Variants in CR1L observed in about 807,000 individuals in gnomAD.
The protein encoded by CR1L is complement component receptor 1-like protein.
Under a neutral mutation model 62.3 loss-of-function variants are expected in CR1L, and 59 were observed. That is an observed-to-expected ratio of 0.95 (90% CI 0.77 to 1.18). The LOEUF (loss-of-function observed/expected upper bound fraction) is 1.18, where lower values mean the gene tolerates loss of function less well. Among genes scored for constraint, CR1L ranks in the 50% most tolerant of loss-of-function variants. The pLI, the probability that CR1L is intolerant of heterozygous loss-of-function variation, is 0.00. For missense variants in CR1L, 700 were observed against 702.8 expected, an observed-to-expected ratio of 1.00 and a Z score of 0.04; for synonymous variants, 279 against 248.7, an observed-to-expected ratio of 1.12 and a Z score of -1.15.
chr1:207,717,350 T>C, intron 10 of CR1L, 114 bp from the exon 11 acceptor site: 13 of 1,198,954 alleles, frequency 1.1e-5, no homozygotes, highest in Middle Eastern at 2.5e-4. Context: ...ACCTTAGTTA[T>C]AGTCTTTCTA....
At chr1:207,709,876 G>T (rs1018651860) in intron 10 of CR1L, among the ~76,000 whole-genome samples, 2 of 151,150 alleles carry the variant, frequency 1.3e-5, no homozygotes, top group Non-Finnish European at 2.9e-5. Flanking sequence ...ATAATATATG[G>T]ACACATTTAG....
At chr1:207,719,495 C>T (rs1221632564) in intron 11 of CR1L, among the ~76,000 whole-genome samples, 5 of 151,806 alleles carry the variant, frequency 3.3e-5, no homozygotes, top group South Asian at 2.1e-4. Context: ...TAAAGTGAGA[C>T]GATCACTTGA....
intron 9 of CR1L, among the ~76,000 whole-genome samples, chr1:207,703,994 T>G (rs1337159130): frequency 6.6e-6 from 1 of 152,018 alleles, no homozygotes; most frequent in Non-Finnish European, 1.5e-5. Context: ...AAAAATACAT[T>G]TTGTAAGGCT....
chr1:207,706,962 A>G (rs1337357714), intron 9 of CR1L, among the ~76,000 whole-genome samples: 2 of 152,250 alleles, frequency 1.3e-5, no homozygotes, highest in South Asian at 4.1e-4. Context: ...GTGAGAAAGC[A>G]GGAAAAGGTA....
chr1:207,679,153 A>ATTTTTTTTTTT (rs34703217), intron 3 of CR1L, among the ~76,000 whole-genome samples: 143 of 90,278 alleles, frequency 1.6e-3, no homozygotes, highest in African/African-American at 2.2e-3. Context: ...GCCCACCACC[A>ATTTTTTTTTTT]TTTTTTTTTT....
intron 1 of CR1L, among the ~76,000 whole-genome samples, chr1:207,662,965 A>T (rs1176058914): frequency 6.6e-6 from 1 of 152,200 alleles, no homozygotes; most frequent in African/African-American, 2.4e-5. Context: ...AACAGCGGAT[A>T]CTGGTGAACT....
Position 207,694,374 on chromosome 1 carries a change from CCA to C in CR1L, c.487_488del (p.Thr163HisfsTer8), listed in dbSNP as rs750658003. 8 of 1,614,020 alleles carry C rather than the reference CCA, an allele frequency of 5.0e-6. No individual in the cohort carries two copies. The South Asian group carries it at 8.8e-5, about 18-fold the overall frequency. On this transcript the variant is annotated frameshift_variant, in exon 5 of 12. Transcript: ENST00000508064. LOFTEE classifies it high-confidence loss of function. ...CCAGGAATTATTTGTGGGCTACCCC[CCA>C]CCATCGCCAATGGAGATTTCACTAG...
At chr1:207,708,306 C>T (rs765449519) in intron 10 of CR1L, 43 bp downstream of exon 10, 1 of 1,599,420 alleles carries the variant, frequency 6.3e-7, no homozygotes. Context: ...CCATTTAACC[C>T]TAGAGTTGTC....
At chr1:207,692,191 C>T (rs1363032217) in intron 4 of CR1L, among the ~76,000 whole-genome samples, 2 of 152,184 alleles carry the variant, frequency 1.3e-5, no homozygotes, top group African/African-American at 2.4e-5. Context: ...CTATGTAAGG[C>T]TTTAGGCTAA....
At chr1:207,723,531 C>G (rs1418437912) in intron 11 of CR1L, 87 bp from the exon 12 acceptor site, 23 of 1,116,228 alleles carry the variant, frequency 2.1e-5, no homozygotes, top group Non-Finnish European at 2.8e-5. Flanking sequence ...GAATAAAAAT[C>G]AGGATAAATT....
chr1:207,656,155 G>A (rs1663307177), intron 1 of CR1L, among the ~76,000 whole-genome samples: 1 of 152,100 alleles, frequency 6.6e-6, no homozygotes, highest in East Asian at 1.9e-4. Flanking sequence ...GGAGAATGGC[G>A]TGAACCCGGG....
chr1:207,709,056 T>C (rs6540439), intron 10 of CR1L: 182,145 of 234,778 alleles, frequency 0.78, 71,907 homozygotes, highest in East Asian at 1. Flanking sequence ...TATATTTGTG[T>C]TTGCTTTGTC....
Position 207,645,140 on chromosome 1 carries a change from C to T in CR1L, c.-94C>T. On this transcript the variant is annotated 5_prime_UTR_variant, in exon 1 of 12. Transcript: ENST00000508064. ...ACTGTGAGTTTGGGGATTGTTGTGT[C>T]CACTAACCGGACTCAGAAGGGACTT... 1 of 1,210,470 alleles carries T rather than the reference C, an allele frequency of 8.3e-7. No individual in the cohort carries two copies. Among genetic ancestry groups the T allele is most frequent in the South Asian group, 1.3e-5 (1 of 78,810 alleles). The allele number at this position is 1,210,470 out of a possible 1,614,324, so 75.0% of individuals were successfully genotyped here. A position where few individuals can be genotyped will look rare whatever the true frequency, so the allele number is the denominator to read the frequency against.
chr1:207,717,292 A>G (rs1460851558), intron 10 of CR1L, among the ~76,000 whole-genome samples, 172 bp from the exon 11 acceptor site: 2 of 152,222 alleles, frequency 1.3e-5, no homozygotes, highest in East Asian at 3.8e-4. Context: ...AGGTCTCACA[A>G]CAGTTAGTTG....
chr1:207,717,373 T>A (rs189047168), intron 10 of CR1L, 91 bp from the exon 11 acceptor site: 25,274 of 1,396,304 alleles, frequency 0.018, 298 homozygotes, highest in Non-Finnish European at 0.022. Context: ...AGAAAAAAAA[T>A]TATATTCATA....
At chr1:207,650,360 A>G (rs1363011575) in intron 1 of CR1L, among the ~76,000 whole-genome samples, 1 of 152,078 alleles carries the variant, frequency 6.6e-6, no homozygotes, top group Non-Finnish European at 1.5e-5. Flanking sequence ...AGGAGTGAGA[A>G]CTCTTCAGGC....
intron 4 of CR1L, among the ~76,000 whole-genome samples, chr1:207,686,116 C>CTCCCTTCCTTCCTTCCTCCCTCCCTCCA (rs1663901726): frequency 3.3e-4 from 5 of 15,338 alleles, no homozygotes; most frequent in Non-Finnish European, 4.6e-4. Context: ...TCCTCCCTCC[C>CTCCCTTCCTTCCTTCCTCCCTCCCTCCA]TCCCTCCCTT....
chr1:207,672,752 A>G (rs1663632679), intron 1 of CR1L, among the ~76,000 whole-genome samples: 1 of 152,136 alleles, frequency 6.6e-6, no homozygotes, highest in Non-Finnish European at 1.5e-5. Context: ...GTAGGATCTG[A>G]TTTGGTTTTC....
At chr1:207,713,248 T>C (rs1411922030) in intron 10 of CR1L, among the ~76,000 whole-genome samples, 1 of 152,082 alleles carries the variant, frequency 6.6e-6, no homozygotes, top group Admixed American at 6.5e-5. Flanking sequence ...TTTTATAAAA[T>C]GTGTGCTAGA....
Sources: gnomAD v4.1 joint callset for allele counts (sites outside exome capture counted in the v4.1 genomes callset) on GRCh38, gnomAD v4.1.1 for gene constraint, MANE v1.5 for transcripts, NCBI Gene and HGNC (gene_info 2026-07-23, HGNC 2026-07-21) for gene names.